Variants in PDS5B observed in about 807,000 individuals in gnomAD.
The protein encoded by PDS5B is PDS5 cohesin associated factor B.
A neutral mutation model predicts 184.1 loss-of-function variants in PDS5B; 51 were observed. The ratio of observed to expected loss-of-function variants is 0.28; its 90% CI spans 0.22 to 0.35. The LOEUF (loss-of-function observed/expected upper bound fraction) is 0.35, where lower values mean the gene tolerates loss of function less well. Among genes scored for constraint, PDS5B ranks in the 10% least tolerant of loss-of-function variants. The pLI, the probability that PDS5B is intolerant of heterozygous loss-of-function variation, is 1.00. For synonymous variants in PDS5B, 566 were observed against 569.2 expected (o/e 0.99, Z 0.08); for missense variants, 1,180 against 1,723.3 (o/e 0.68, Z 5.58).
intron 19 of PDS5B, among the ~76,000 whole-genome samples, chr13:32,712,973 T>A (rs963569835): frequency 6.6e-6 from 1 of 152,234 alleles, no homozygotes; most frequent in Non-Finnish European, 1.5e-5. Flanking sequence ...ATGAGTTATA[T>A]GAGTTCCATT....
At chr13:32,748,964 G>C (rs1404927515) in intron 24 of PDS5B, among the ~76,000 whole-genome samples, 1 of 152,028 alleles carries the variant, frequency 6.6e-6, no homozygotes, top group African/African-American at 2.4e-5. Context: ...CACCAAGACT[G>C]TTGGGAATCT....
At chr13:32,611,323 C>T (rs569726737) in intron 1 of PDS5B, among the ~76,000 whole-genome samples, 1 of 152,018 alleles carries the variant, frequency 6.6e-6, no homozygotes, top group South Asian at 2.1e-4. Context: ...CCCTTCTCTT[C>T]TCTATGCCTG....
intron 30 of PDS5B, among the ~76,000 whole-genome samples, chr13:32,762,933 A>G (rs767379334): frequency 3.9e-5 from 6 of 152,190 alleles, no homozygotes; most frequent in Non-Finnish European, 8.8e-5. Context: ...CAAGACAAGT[A>G]TAATTTCACC....
intron 30 of PDS5B, among the ~76,000 whole-genome samples, chr13:32,762,407 TATG>T (rs1954437526): frequency 6.6e-6 from 1 of 152,192 alleles, no homozygotes; most frequent in South Asian, 2.1e-4. Context: ...TGATATATAG[TATG>T]ATAGAAATAA....
At position 32,752,223 on chromosome 13, in the gene PDS5B, T is replaced by C. The variant is rs1018309780; in HGVS notation, c.2737-1109T>C. Among the ~76,000 whole-genome samples, 4 of 152,324 alleles carry C rather than the reference T, an allele frequency of 2.6e-5. No individual in the cohort carries two copies. In the South Asian group the frequency reaches 8.3e-4, roughly 32 times the overall value. On this transcript the variant is annotated intron_variant, in intron 24 of 34. Coordinates refer to ENST00000315596, the MANE Select transcript of PDS5B (RefSeq NM_015032.4). Reference sequence around the variant, plus strand: ...ACATAACATTTATTATATAGTATATTGTTATACTTGTTCTATCTTATTAGT... The same window carrying C: ...ACATAACATTTATTATATAGTATATCGTTATACTTGTTCTATCTTATTAGT...
chr13:32,725,741 A>C (rs979639483), intron 19 of PDS5B, among the ~76,000 whole-genome samples: 5 of 152,218 alleles, frequency 3.3e-5, no homozygotes, highest in Admixed American at 3.3e-4. Context: ...CAGGATAACA[A>C]CACTATAATA....
At chr13:32,661,732 A>AC (rs1278792628) in intron 6 of PDS5B, among the ~76,000 whole-genome samples, 7 of 152,164 alleles carry the variant, frequency 4.6e-5, no homozygotes, top group Non-Finnish European at 8.8e-5. Flanking sequence ...GCCCATCCTG[A>AC]AATTGTGGAA....
At chr13:32,716,831 G>T in intron 19 of PDS5B, among the ~76,000 whole-genome samples, 1 of 126,498 alleles carries the variant, frequency 7.9e-6, no homozygotes, top group Non-Finnish European at 1.8e-5. Context: ...CGCCCTGTCT[G>T]GGAGGGAGGT....
chr13:32,710,242 A>C (rs1204304626), intron 19 of PDS5B, 136 bp downstream of exon 19: 1 of 536,226 alleles, frequency 1.9e-6, no homozygotes, highest in African/African-American at 1.9e-5. Context: ...TGTTCAGTTT[A>C]GATTCTCCTT....
chr13:32,665,513 C>T (rs915949843), intron 6 of PDS5B, among the ~76,000 whole-genome samples: 9 of 127,996 alleles, frequency 7.0e-5, no homozygotes, highest in African/African-American at 2.7e-4. Flanking sequence ...GGTGTGAACC[C>T]GGGAGGCAGA....
chr13:32,733,409 A>G (rs545597185), intron 20 of PDS5B, among the ~76,000 whole-genome samples: 1 of 152,282 alleles, frequency 6.6e-6, no homozygotes, highest in African/African-American at 2.4e-5. Flanking sequence ...GTTATGGAAA[A>G]TTACCAAACT....
intron 10 of PDS5B, among the ~76,000 whole-genome samples, chr13:32,681,081 C>G (rs1029600936): frequency 6.6e-6 from 1 of 152,142 alleles, no homozygotes; most frequent in Non-Finnish European, 1.5e-5. Flanking sequence ...CCAACGTATA[C>G]GTTTCCTTCT....
At position 32,730,199 on chromosome 13, in the gene PDS5B, C is replaced by G. The variant is rs191418381; in HGVS notation, c.2124-1902C>G. 2.4e-3 allele frequency among the ~76,000 whole-genome samples: 370 copies of G among 152,094 alleles called. 1 individual carries two copies. Among genetic ancestry groups the G allele is most frequent in the Middle Eastern group, 6.8e-3 (2 of 294 alleles). On this transcript the variant is annotated intron_variant, in intron 19 of 34. Transcript: ENST00000315596. ...TTTTCCCAGCAACCTTTATTAAATA[C>G]GGAATCCTTTCCCCATTGCTTGTTT...
chr13:32,746,243 A>G (rs1456162892), intron 24 of PDS5B, 143 bp downstream of exon 24: 4 of 686,198 alleles, frequency 5.8e-6, no homozygotes, highest in Admixed American at 2.6e-5. Context: ...GAAACATTTC[A>G]GAGTTCTGAA....
chr13:32,732,481 T>A (rs1252750220), intron 20 of PDS5B, among the ~76,000 whole-genome samples: 2 of 149,306 alleles, frequency 1.3e-5, no homozygotes, highest in Non-Finnish European at 1.5e-5. Context: ...TTGGAGACTA[T>A]TTTTTGTTAA....
At chr13:32,705,842 T>G (rs1951994299) in intron 17 of PDS5B, among the ~76,000 whole-genome samples, 1 of 152,124 alleles carries the variant, frequency 6.6e-6, no homozygotes, top group Non-Finnish European at 1.5e-5. Context: ...ATTTTTTAAA[T>G]TTTATGTAGA....
chr13:32,598,362 C>G (rs554009065), intron 1 of PDS5B, among the ~76,000 whole-genome samples: 1 of 151,986 alleles, frequency 6.6e-6, no homozygotes, highest in East Asian at 1.9e-4. Context: ...CGTGAGCCAC[C>G]GCGCCTGGCC....
intron 1 of PDS5B, among the ~76,000 whole-genome samples, chr13:32,604,161 G>A (rs9595897): frequency 0.34 from 51,403 of 151,578 alleles, 8,929 homozygotes; most frequent in Non-Finnish European, 0.38. Context: ...GCCAGTTTTC[G>A]AAGAGAATGC....
intron 1 of PDS5B, among the ~76,000 whole-genome samples, chr13:32,608,361 T>C (rs569512912): frequency 6.6e-6 from 1 of 152,306 alleles, no homozygotes; most frequent in South Asian, 2.1e-4. Context: ...GGTGGACATA[T>C]TCACCGCTTT....
Sources: allele counts gnomAD v4.1 joint callset (sites outside exome capture counted in the v4.1 genomes callset), GRCh38; gene constraint gnomAD v4.1.1; transcripts MANE v1.5; gene names NCBI Gene and HGNC (gene_info 2026-07-23, HGNC 2026-07-21).